ABCB7: variants seen among roughly 807,000 people sequenced by gnomAD.
The protein encoded by ABCB7 is iron-sulfur clusters transporter ABCB7, mitochondrial.
Under a neutral mutation model 54.4 loss-of-function variants are expected in ABCB7, and 7 were observed. That is an observed-to-expected ratio of 0.13 (90% CI 0.07 to 0.24). The LOEUF (loss-of-function observed/expected upper bound fraction) is 0.24, where lower values mean the gene tolerates loss of function less well. Ranked by LOEUF, ABCB7 falls within the 10% of genes least tolerant of loss-of-function variation. The probability of loss-of-function intolerance (pLI) is 1.00; values close to 1 mark genes in which losing one functional copy is unlikely to be tolerated. For missense variants in ABCB7, 356 were observed against 570.4 expected (o/e 0.62, Z 3.83); for synonymous variants, 218 against 207.1 (o/e 1.05, Z -0.45).
At chrX:75,104,047 G>GTTTTTTTTGTTTTTTTTTTTT (rs2081664100) in intron 3 of ABCB7, among the ~76,000 whole-genome samples, 1 of 13,443 alleles carries the variant, frequency 7.4e-5, no homozygotes, top group Non-Finnish European at 1.7e-4. Context: ...TCTTGTTACA[G>GTTTTTTTTGTTTTTTTTTTTT]TTTTTTTTTT....
At chrX:75,059,996 T>C (rs976382732) in intron 15 of ABCB7, among the ~76,000 whole-genome samples, 3 of 111,166 alleles carry the variant, frequency 2.7e-5, no homozygotes, top group Admixed American at 9.5e-5. Context: ...ATTTAATGCT[T>C]TCCTGATTAA....
At chrX:75,118,433 G>A (rs1355946602) in intron 1 of ABCB7, among the ~76,000 whole-genome samples, 2 of 107,376 alleles carry the variant, frequency 1.9e-5, no homozygotes, top group Non-Finnish European at 3.8e-5. Flanking sequence ...GTGGTTAAAA[G>A]TCAGCTTAAT....
Position 75,152,682 on chromosome X carries a change from G to C in ABCB7, c.168+3423C>G, listed in dbSNP as rs2082140865. 3.7e-5 allele frequency among the ~76,000 whole-genome samples: 4 copies of C among 108,026 alleles called. No individual in the cohort carries two copies. In the South Asian group the frequency reaches 1.7e-3, roughly 45 times the overall value. The allele number at this position is 108,026 out of a possible 115,157, so 93.8% of individuals were successfully genotyped here. ...TTTTTTTTTTTTCTTTTTTTTGAGA[G>C]GAAGTCTCGCTCTGTCGCCCAGGCT... On this transcript the variant is annotated intron_variant, in intron 1 of 15. Transcript: ENST00000373394.
intron 1 of ABCB7, among the ~76,000 whole-genome samples, chrX:75,138,413 TTTTG>T (rs954323064): frequency 6.2e-5 from 7 of 112,109 alleles, no homozygotes; most frequent in Non-Finnish European, 9.4e-5. Context: ...ATTTAATGGG[TTTTG>T]TTTTAGTTTT....
chrX:75,144,463 G>C (rs758739476), intron 1 of ABCB7, among the ~76,000 whole-genome samples: 1 of 111,439 alleles, frequency 9.0e-6, no homozygotes, highest in African/African-American at 3.3e-5. Flanking sequence ...AATCAATAGG[G>C]AGCCTTTTTT....
chrX:75,133,743 G>A (rs1468454716), intron 1 of ABCB7, among the ~76,000 whole-genome samples: 1 of 111,753 alleles, frequency 8.9e-6, no homozygotes, highest in Non-Finnish European at 1.9e-5. Context: ...AGCTTCGTAA[G>A]CAAAGGAGAA....
At chrX:75,151,308 T>C (rs2082130519) in intron 1 of ABCB7, among the ~76,000 whole-genome samples, 1 of 111,423 alleles carries the variant, frequency 9.0e-6, no homozygotes, top group Admixed American at 9.6e-5. Flanking sequence ...CCTTACCATA[T>C]ACAGCCCATG....
intron 4 of ABCB7, among the ~76,000 whole-genome samples, chrX:75,097,102 GTTCCCAC>G (rs1293500377): frequency 5.4e-5 from 6 of 111,237 alleles, no homozygotes; most frequent in Admixed American, 1.9e-4. Context: ...CAAAATACAG[GTTCCCAC>G]TTCCCACATA....
intron 13 of ABCB7, among the ~76,000 whole-genome samples, chrX:75,062,807 A>G (rs1327975176): frequency 9.0e-6 from 1 of 111,618 alleles, no homozygotes; most frequent in African/African-American, 3.2e-5. Context: ...AGAATTGACA[A>G]TGCCAAAAAA....
intron 15 of ABCB7, among the ~76,000 whole-genome samples, chrX:75,057,162 G>T (rs931176336): frequency 2.7e-5 from 3 of 111,367 alleles, no homozygotes; most frequent in African/African-American, 9.8e-5. Flanking sequence ...TCTCTTTTCC[G>T]TATCTCTTCT....
Position 75,114,764 on chromosome X carries a change from T to A in ABCB7, c.236A>T (p.Asp79Val), listed in dbSNP as rs2081793520. The change falls in exon 2 of 16, where the codon GAT (aspartate) becomes GTT (valine). Residue 79 changes from aspartate (D) to valine (V), a missense_variant. Physicochemically the swap from Asp to Val is radical, Grantham distance 152 (BLOSUM62 -3). Around this residue, in one of 2 missense-constraint regions of ABCB7, gnomAD observed 115 missense variants for 99.5 expected, o/e 1.16. Coordinates refer to ENST00000373394, the MANE Select transcript of ABCB7 (RefSeq NM_001271696.3). ...TTTGCTCAATCTTACCTTTGCAGCA[T>A]CTAAGAACTGTCCTGAATTGCCTTT... ...LGKGNSGQFL[D>V]AAKALQVWPL... 1 of 1,200,003 alleles carries A rather than the reference T, an allele frequency of 8.3e-7. No individual in the cohort carries two copies. Among genetic ancestry groups the A allele is most frequent in the Non-Finnish European group, 1.1e-6 (1 of 887,627 alleles).
chrX:75,111,398 A>G (rs1466230898), intron 3 of ABCB7, among the ~76,000 whole-genome samples: 2 of 112,372 alleles, frequency 1.8e-5, no homozygotes, highest in African/African-American at 3.2e-5. Context: ...GTCAAGCACT[A>G]TTTAAGAGCT....
intron 3 of ABCB7, among the ~76,000 whole-genome samples, 176 bp downstream of exon 3, chrX:75,112,710 T>C (rs1569236277): frequency 9.4e-6 from 1 of 106,864 alleles, no homozygotes; most frequent in Non-Finnish European, 1.9e-5. Context: ...AATCTTTAAG[T>C]CCGAGAAAAT....
At chrX:75,086,713 A>C (rs140946949) in intron 4 of ABCB7, among the ~76,000 whole-genome samples, 127 of 112,268 alleles carry the variant, frequency 1.1e-3, no homozygotes, top group African/African-American at 3.7e-3. Context: ...AAGCAAAGAT[A>C]AAAGAAAACC....
At chrX:75,095,467 T>C (rs1250341745) in intron 4 of ABCB7, among the ~76,000 whole-genome samples, 2 of 112,888 alleles carry the variant, frequency 1.8e-5, no homozygotes, top group East Asian at 5.5e-4. Flanking sequence ...GAATAAACAA[T>C]GATCACTTTT....
chrX:75,134,727 C>T (rs1309450638), intron 1 of ABCB7, among the ~76,000 whole-genome samples: 1 of 111,993 alleles, frequency 8.9e-6, no homozygotes, highest in Non-Finnish European at 1.9e-5. Context: ...TGAATGACTT[C>T]TTGGTAAATA....
At chrX:75,128,514 A>AT (rs2081951183) in intron 1 of ABCB7, among the ~76,000 whole-genome samples, 2 of 112,032 alleles carry the variant, frequency 1.8e-5, no homozygotes, top group African/African-American at 6.5e-5. Context: ...AAACCTAGGC[A>AT]ATACCATTCA....
At chrX:75,102,713 T>C (rs2081650360) in intron 3 of ABCB7, among the ~76,000 whole-genome samples, 1 of 111,410 alleles carries the variant, frequency 9.0e-6, no homozygotes, top group East Asian at 2.8e-4. Context: ...TAGTTTTAGT[T>C]TTTTGAGAAA....
chrX:75,053,497 C>T lies in ABCB7; in HGVS notation c.2132G>A (p.Arg711His), dbSNP rs949445106. Residue 711 changes from arginine to histidine, a missense_variant, in exon 16 of 16, where the codon CGT becomes CAT. Arg to His is a conservative substitution (Grantham distance 29). This residue lies in a region of ABCB7 where 241 missense variants were observed against 470.9 expected (regional missense o/e 0.51). Transcript: ENST00000373394. ...TTTGGGGTTATCATGGTTCTGCACA[C>T]GGCTGCTCTGTGTATGCCACATTTC... ...YSEMWHTQSS[R>H]VQNHDNPKWE... is the part of the protein sequence containing the mutation. 8.3e-6 allele frequency: 10 copies of T among 1,209,240 alleles called. No homozygotes were observed. The highest frequency in any genetic ancestry group is 1.8e-5 in the South Asian group (1 of 56,699).
Sources: gnomAD v4.1 joint callset for allele counts (sites outside exome capture counted in the v4.1 genomes callset) on GRCh38, gnomAD v4.1.1 for gene constraint, gnomAD v4.1.1 regional missense constraint, MANE v1.5 for transcripts, NCBI Gene and HGNC (gene_info 2026-07-23, HGNC 2026-07-21) for gene names.